Variants in DLGAP2 observed in about 807,000 individuals in gnomAD.
DLGAP2 encodes disks large-associated protein 2.
DLGAP2 carries 26 observed loss-of-function variants against 100.3 expected under a neutral mutation model. That is an observed-to-expected ratio of 0.26 (90% CI 0.19 to 0.36). The LOEUF (loss-of-function observed/expected upper bound fraction) is 0.36. Ranked by LOEUF, DLGAP2 falls within the 10% of genes least tolerant of loss-of-function variation. DLGAP2 has a pLI of 1.00. For synonymous variants in DLGAP2, 886 were observed against 630.1 expected, an observed-to-expected ratio of 1.41 and a Z score of -6.08; for missense variants, 1,858 against 1,453.2, an observed-to-expected ratio of 1.28 and a Z score of -4.53.
chr8:838,684 A>G (rs1034758937), intron 1 of DLGAP2, among the ~76,000 whole-genome samples: 2 of 152,218 alleles, frequency 1.3e-5, no homozygotes, highest in African/African-American at 2.4e-5. Flanking sequence ...TGTTAATGCA[A>G]TTAAACTTCT....
At chr8:1,060,151 C>T (rs1043822081) in intron 2 of DLGAP2, among the ~76,000 whole-genome samples, 2 of 152,190 alleles carry the variant, frequency 1.3e-5, no homozygotes, top group Non-Finnish European at 2.9e-5. Flanking sequence ...AGCCTCAGGG[C>T]GTGCGTGGCT....
chr8:797,901 C>G (rs545951624), intron 1 of DLGAP2, among the ~76,000 whole-genome samples: 7 of 152,138 alleles, frequency 4.6e-5, no homozygotes, highest in Admixed American at 1.3e-4. Context: ...CAGGCGCCTG[C>G]CACCACACCT....
intron 2 of DLGAP2, among the ~76,000 whole-genome samples, chr8:1,033,555 C>G (rs899885069): frequency 2.6e-5 from 4 of 152,162 alleles, no homozygotes; most frequent in African/African-American, 9.7e-5. Flanking sequence ...GTAGTCCCAG[C>G]TACTAGGGGG....
intron 1 of DLGAP2, among the ~76,000 whole-genome samples, chr8:800,552 T>C (rs548586878): frequency 1.3e-5 from 2 of 152,280 alleles, no homozygotes; most frequent in South Asian, 4.1e-4. Context: ...GAGATTGACA[T>C]GATGAGATGC....
intron 2 of DLGAP2, among the ~76,000 whole-genome samples, chr8:1,083,727 T>G (rs538180393): frequency 2.6e-5 from 4 of 152,302 alleles, no homozygotes; most frequent in Admixed American, 2.6e-4. Flanking sequence ...AAAGCATTAA[T>G]TTCATGTGCA....
At chr8:1,427,453 G>T (rs993175951) in intron 3 of DLGAP2, among the ~76,000 whole-genome samples, 1 of 152,146 alleles carries the variant, frequency 6.6e-6, no homozygotes, top group Admixed American at 6.5e-5. Context: ...AGTTGAGTTA[G>T]AAATAATATA....
intron 3 of DLGAP2, among the ~76,000 whole-genome samples, chr8:1,315,160 G>C (rs1305737964): frequency 6.6e-6 from 1 of 152,234 alleles, no homozygotes; most frequent in African/African-American, 2.4e-5. Context: ...AGAAAGTCAA[G>C]AAATAACTTG....
intron 4 of DLGAP2, among the ~76,000 whole-genome samples, chr8:1,523,225 T>C (rs2130426672): frequency 6.6e-6 from 1 of 152,312 alleles, no homozygotes; most frequent in South Asian, 2.1e-4. Context: ...CATGAAGATG[T>C]AGCTCCCTCA....
intron 3 of DLGAP2, among the ~76,000 whole-genome samples, chr8:1,351,338 GTGTGGAACGGCCGTGCGGGTCCTGAC>G (rs1563099759): frequency 6.6e-5 from 3 of 45,582 alleles, no homozygotes; most frequent in African/African-American, 1.8e-4. Context: ...CGGGTCCTGA[GTGTGGAACGGCCGTGCGGGTCCTGAC>G]TGTGTGTGGA....
chr8:1,031,900 T>C (rs1356825839), intron 2 of DLGAP2, among the ~76,000 whole-genome samples: 2 of 152,252 alleles, frequency 1.3e-5, no homozygotes, highest in Non-Finnish European at 2.9e-5. Context: ...CATGCTACGC[T>C]GGTCTCTCAG....
At chr8:1,387,526 C>G (rs1186598699) in intron 3 of DLGAP2, among the ~76,000 whole-genome samples, 2 of 152,186 alleles carry the variant, frequency 1.3e-5, no homozygotes, top group African/African-American at 4.8e-5. Flanking sequence ...GGACGGTGGT[C>G]GTGGTTGCAC....
At chr8:955,485 C>T (rs1015670661) in intron 2 of DLGAP2, among the ~76,000 whole-genome samples, 1 of 152,110 alleles carries the variant, frequency 6.6e-6, no homozygotes, top group East Asian at 1.9e-4. Context: ...CTGTGTGCTG[C>T]TCTGTGTGAG....
intron 6 of DLGAP2, among the ~76,000 whole-genome samples, chr8:1,606,520 A>G (rs1796805766): frequency 1.3e-5 from 2 of 152,096 alleles, no homozygotes; most frequent in African/African-American, 4.8e-5. Context: ...TAACGTTTTC[A>G]ACATTGATCC....
chr8:1,656,817 G>A (rs1798295885), intron 8 of DLGAP2, among the ~76,000 whole-genome samples: 1 of 152,136 alleles, frequency 6.6e-6, no homozygotes, highest in African/African-American at 2.4e-5. Context: ...ATTGGCCTCA[G>A]AGTACTCAAG....
At chr8:1,007,793 C>G (rs1310282905) in intron 2 of DLGAP2, among the ~76,000 whole-genome samples, 1 of 152,116 alleles carries the variant, frequency 6.6e-6, no homozygotes, top group Non-Finnish European at 1.5e-5. Context: ...GAAATTCATT[C>G]TGATTTTAAG....
chr8:874,883 CTGT>C (rs1379391029), intron 1 of DLGAP2, among the ~76,000 whole-genome samples: 1 of 152,050 alleles, frequency 6.6e-6, no homozygotes, highest in African/African-American at 2.4e-5. Context: ...TTTTGGTGCT[CTGT>C]TGTTAAGGTG....
intron 3 of DLGAP2, among the ~76,000 whole-genome samples, chr8:1,414,816 C>CTGGCCAACATGGCA (rs1484755042): frequency 6.6e-6 from 1 of 152,158 alleles, no homozygotes; most frequent in Non-Finnish European, 1.5e-5. Flanking sequence ...TGAGACCAGC[C>CTGGCCAACATGGCA]TGGCCAACAT....
intron 3 of DLGAP2, among the ~76,000 whole-genome samples, chr8:1,491,576 G>A (rs553561138): frequency 6.6e-6 from 1 of 152,206 alleles, no homozygotes; most frequent in East Asian, 1.9e-4. Context: ...GGTGTCTTTA[G>A]TATAAAACTT....
At chr8:996,135 C>A (rs550966145) in intron 2 of DLGAP2, among the ~76,000 whole-genome samples, 1 of 152,184 alleles carries the variant, frequency 6.6e-6, no homozygotes, top group African/African-American at 2.4e-5. Context: ...AGGGACCACT[C>A]CCCTCTGTTC....
Sources: allele counts gnomAD v4.1 joint callset (sites outside exome capture counted in the v4.1 genomes callset), GRCh38; gene constraint gnomAD v4.1.1; transcripts MANE v1.5; gene names NCBI Gene and HGNC (gene_info 2026-07-23, HGNC 2026-07-21).